Variants in TF observed in about 807,000 individuals in gnomAD.
TF encodes the protein serotransferrin.
TF carries 55 observed loss-of-function variants against 82.4 expected under a neutral mutation model. That is an observed-to-expected ratio of 0.67 (90% CI 0.54 to 0.84). The LOEUF (loss-of-function observed/expected upper bound fraction) is 0.84, where lower values mean the gene tolerates loss of function less well. Among genes scored for constraint, TF ranks in the 40% least tolerant of loss-of-function variants. TF has a pLI of 0.00. For missense variants in TF, 737 were observed against 868.4 expected (o/e 0.85, Z 1.90); for synonymous variants, 332 against 332.6 (o/e 1.00, Z 0.02).
At chr3:133,753,236 C>G (rs2107912409) in intron 2 of TF, among the ~76,000 whole-genome samples, 3 of 152,346 alleles carry the variant, frequency 2.0e-5, no homozygotes, top group Middle Eastern at 6.8e-3. Context: ...ATTGCACTGG[C>G]TGTGCTCTGA....
At chr3:133,737,890 A>T in the TF span, among the ~76,000 whole-genome samples, 1 of 152,212 alleles carries the variant, frequency 6.6e-6, no homozygotes, top group Non-Finnish European at 1.5e-5. Flanking sequence ...AGGTACAAAG[A>T]AGAGCTGGTA....
At chr3:133,691,090 T>C in the TF span, among the ~76,000 whole-genome samples, 10 of 152,146 alleles carry the variant, frequency 6.6e-5, no homozygotes, top group Admixed American at 2.0e-4. Flanking sequence ...TACAGAAACA[T>C]AATAGTAAAT....
At chr3:133,772,158 T>G (rs1397865096) in intron 14 of TF, among the ~76,000 whole-genome samples, 1 of 152,268 alleles carries the variant, frequency 6.6e-6, no homozygotes, top group Non-Finnish European at 1.5e-5. Flanking sequence ...TCATCTTATA[T>G]TCCCAGAACC....
At chr3:133,730,630 G>T in the TF span, among the ~76,000 whole-genome samples, 3 of 152,152 alleles carry the variant, frequency 2.0e-5, no homozygotes, top group Non-Finnish European at 4.4e-5. Flanking sequence ...TAAGAACCTG[G>T]AAAGAAAGCC....
At chr3:133,695,248 T>A in the TF span, among the ~76,000 whole-genome samples, 1 of 137,566 alleles carries the variant, frequency 7.3e-6, no homozygotes, top group Non-Finnish European at 1.6e-5. Flanking sequence ...GCTGGTTCTT[T>A]TTTTTTTTTT....
At chr3:133,693,968 A>G in the TF span, among the ~76,000 whole-genome samples, 1 of 152,134 alleles carries the variant, frequency 6.6e-6, no homozygotes, top group Non-Finnish European at 1.5e-5. Flanking sequence ...TGTGGGTTCC[A>G]TCACCCCATC....
At chr3:133,705,399 G>A in the TF span, among the ~76,000 whole-genome samples, 2 of 152,146 alleles carry the variant, frequency 1.3e-5, no homozygotes, top group Admixed American at 1.3e-4. Flanking sequence ...GCCTACCACA[G>A]TCTAAGACTC....
At chr3:133,744,925 C>A (rs1214882078), upstream of TF, among the ~76,000 whole-genome samples, 3 of 152,106 alleles carry the variant, frequency 2.0e-5, no homozygotes, top group Non-Finnish European at 2.9e-5. Context: ...ACAGATGGAG[C>A]CTTTCAGGTG....
chr3:133,740,875 G>A, the TF span, among the ~76,000 whole-genome samples: 1 of 68,062 alleles, frequency 1.5e-5, no homozygotes, highest in African/African-American at 6.0e-5. Flanking sequence ...CTAGGCATTT[G>A]TTTTTCTTAT....
chr3:133,666,917 T>C, the TF span, among the ~76,000 whole-genome samples: 1 of 152,046 alleles, frequency 6.6e-6, no homozygotes, highest in South Asian at 2.1e-4. Context: ...GCGCCTGTAG[T>C]CCCAGCTACT....
At chr3:133,720,016 G>A in the TF span, among the ~76,000 whole-genome samples, 1 of 152,018 alleles carries the variant, frequency 6.6e-6, no homozygotes, top group East Asian at 1.9e-4. Flanking sequence ...TTTTAGGGTT[G>A]TCTTTATATA....
At chr3:133,712,332 A>G in the TF span, among the ~76,000 whole-genome samples, 31 of 151,926 alleles carry the variant, frequency 2.0e-4, no homozygotes, top group Non-Finnish European at 4.3e-4. Flanking sequence ...AGCCCAGAAA[A>G]CATGTGCTCC....
At chr3:133,674,873 G>T in the TF span, among the ~76,000 whole-genome samples, 2 of 152,174 alleles carry the variant, frequency 1.3e-5, no homozygotes, top group East Asian at 3.9e-4. Context: ...TGCAGACTAT[G>T]ACTAGCTGGC....
chr3:133,713,384 T>A, the TF span, among the ~76,000 whole-genome samples: 3 of 152,190 alleles, frequency 2.0e-5, no homozygotes, highest in Non-Finnish European at 2.9e-5. Context: ...TTGGAGCTTA[T>A]GCCCAGGAAT....
At chr3:133,681,972 C>T in the TF span, among the ~76,000 whole-genome samples, 2 of 152,178 alleles carry the variant, frequency 1.3e-5, no homozygotes, top group African/African-American at 2.4e-5. Flanking sequence ...ACTGACACCT[C>T]ATATGGCCAG....
the TF span, among the ~76,000 whole-genome samples, chr3:133,717,310 A>C: frequency 6.6e-6 from 1 of 152,164 alleles, no homozygotes; most frequent in Non-Finnish European, 1.5e-5. Context: ...GCCAACGAAA[A>C]TTCTTTAAGG....
chr3:133,710,659 C>T, the TF span, among the ~76,000 whole-genome samples: 1 of 152,224 alleles, frequency 6.6e-6, no homozygotes, highest in East Asian at 1.9e-4. Context: ...ATCCCTCTAC[C>T]TGCACTTGGG....
Position 133,759,191 on chromosome 3 carries a change from A to G in TF, c.1065A>G (p.Thr355=), listed in dbSNP as rs759033777. 2 of 1,614,072 alleles carry G rather than the reference A, an allele frequency of 1.2e-6. No homozygotes were observed. Among genetic ancestry groups the G allele is most frequent in the Admixed American group, 1.7e-5 (1 of 60,010 alleles). The part of the protein sequence containing the change: ...LREGTCPEAP[T]DECKPVKWCA... Reference sequence around the variant, plus strand: ...ATGCCATAGGCCCAGAAGCCCCAACAGATGAATGCAAGCCTGTGAAGTGGT... The same window carrying G: ...ATGCCATAGGCCCAGAAGCCCCAACGGATGAATGCAAGCCTGTGAAGTGGT... The change falls in exon 9 of 17, where the codon ACA becomes ACG. Residue 355 remains threonine, a synonymous_variant. Coordinates refer to ENST00000402696, the MANE Select transcript of TF (RefSeq NM_001063.4).
At chr3:133,687,790 C>A in the TF span, among the ~76,000 whole-genome samples, 2 of 152,146 alleles carry the variant, frequency 1.3e-5, no homozygotes, top group Non-Finnish European at 2.9e-5. Flanking sequence ...AATAATATTC[C>A]ATCATCTGGC....
Sources: allele counts gnomAD v4.1 joint callset (sites outside exome capture counted in the v4.1 genomes callset), GRCh38; gene constraint gnomAD v4.1.1; transcripts MANE v1.5; gene names NCBI Gene and HGNC (gene_info 2026-07-23, HGNC 2026-07-21).